The following TMEM161B variants were observed in gnomAD, a reference collection of about 807,000 sequenced individuals.
The protein encoded by TMEM161B is transmembrane protein 161B.
Under a neutral mutation model 61.8 loss-of-function variants are expected in TMEM161B, and 34 were observed. The ratio of observed to expected loss-of-function variants is 0.55; its 90% confidence interval spans 0.42 to 0.73. TMEM161B has a LOEUF of 0.73. Ranked by LOEUF, TMEM161B falls within the 30% of genes least tolerant of loss-of-function variation. The pLI is 0.00. For synonymous variants in TMEM161B, 167 were observed against 192.8 expected, an observed-to-expected ratio of 0.87 and a Z score of 1.11; for missense variants, 456 against 558.5, an observed-to-expected ratio of 0.82 and a Z score of 1.85.
At chr5:88,212,449 G>T (rs1381223462) in intron 5 of TMEM161B, among the ~76,000 whole-genome samples, 1 of 152,152 alleles carries the variant, frequency 6.6e-6, no homozygotes, top group Non-Finnish European at 1.5e-5. Context: ...TCCAAATGAT[G>T]AACAGGTTCA....
At chr5:88,194,339 G>A (rs185345890), downstream of TMEM161B, among the ~76,000 whole-genome samples, 2 of 151,852 alleles carry the variant, frequency 1.3e-5, no homozygotes, top group Admixed American at 6.6e-5. Context: ...CTTTTTTTAC[G>A]GCTGCATGGT....
chr5:88,196,097 T>C lies in TMEM161B; in HGVS notation c.*114A>G, dbSNP rs758244584. 2 of 1,456,604 alleles carry C rather than the reference T, an allele frequency of 1.4e-6. No individual in the cohort carries two copies. Among genetic ancestry groups the C allele is most frequent in the Non-Finnish European group, 1.8e-6 (2 of 1,107,192 alleles). 90.2% of individuals were successfully genotyped at this position (1,456,604 alleles called of 1,614,324 possible). Reference sequence around the variant, plus strand: ...AAACATTTAATACAAGACATTCTGATATGTTTTTTTTTTCCCATTGTATTT... The same window carrying C: ...AAACATTTAATACAAGACATTCTGACATGTTTTTTTTTTCCCATTGTATTT... On this transcript the variant is annotated 3_prime_UTR_variant, in exon 12 of 12. Coordinates refer to ENST00000296595, the MANE Select transcript of TMEM161B (RefSeq NM_153354.5).
intron 10 of TMEM161B, 155 bp downstream of exon 10, chr5:88,198,821 G>C: frequency 1.4e-6 from 1 of 692,860 alleles, no homozygotes; most frequent in South Asian, 2.3e-5. Context: ...ATCAGATCAA[G>C]GTCTCTTTGA....
chr5:88,257,044 A>G (rs1755074809), intron 1 of TMEM161B, among the ~76,000 whole-genome samples: 1 of 152,160 alleles, frequency 6.6e-6, no homozygotes, highest in Admixed American at 6.6e-5. Flanking sequence ...GGAGGCAGGC[A>G]GATCACTCAA....
chr5:88,229,725 T>C lies in TMEM161B; in HGVS notation c.108-1197A>G, dbSNP rs1437489091. On this transcript the variant is annotated intron_variant, in intron 2 of 11. Coordinates refer to ENST00000296595, the MANE Select transcript of TMEM161B (RefSeq NM_153354.5). ...TTCAATTACAAAAATCTAGATTTTT[T>C]AAATTTGAAATTTCCCAATTGCTGT... is the stretch of plus-strand genomic sequence containing the variant. Among the ~76,000 whole-genome samples, 5 of 149,884 alleles carry C rather than the reference T, an allele frequency of 3.3e-5. No homozygotes were observed. The East Asian group carries it at 9.7e-4, about 29-fold the overall frequency.
chr5:88,204,946 G>A (rs1434253257), intron 8 of TMEM161B, among the ~76,000 whole-genome samples: 1 of 152,012 alleles, frequency 6.6e-6, no homozygotes, highest in Non-Finnish European at 1.5e-5. Context: ...TTAAAAATAG[G>A]TTTTAAAGAA....
At chr5:88,262,859 G>T (rs564096625) in intron 1 of TMEM161B, among the ~76,000 whole-genome samples, 14 of 152,032 alleles carry the variant, frequency 9.2e-5, no homozygotes, top group Non-Finnish European at 1.6e-4. Flanking sequence ...GAAATCTCTT[G>T]TATCTTCCTC....
In TMEM161B at chr5:88,198,976, C is replaced by T. The variant is rs1351349122; in HGVS notation, c.1089G>A (p.Met363Ile). ...ATTTTGACTAGGGTATAAAACTTAC[C>T]ATTTTCTGTAGCTCAACCGTGCTTA... ...GRISTVELQK[M>I]VARVFYYLCV... is the part of the protein sequence containing the mutation. The change falls in exon 10 of 12, where the codon ATG becomes ATA. Residue 363 changes from methionine to isoleucine, a missense_variant and splice_region_variant. Met to Ile is a conservative substitution (Grantham distance 10, BLOSUM62 1). Around this residue, in one of 3 missense-constraint regions of TMEM161B, gnomAD observed 367 missense variants for 427.3 expected, o/e 0.86. Coordinates refer to ENST00000296595, the MANE Select transcript of TMEM161B (RefSeq NM_153354.5). 1 of 1,608,654 alleles carries T rather than the reference C, an allele frequency of 6.2e-7. No homozygotes were observed. Among genetic ancestry groups the T allele is most frequent in the African/African-American group, 1.3e-5 (1 of 74,376 alleles).
chr5:88,255,231 C>A (rs780894653), intron 1 of TMEM161B, among the ~76,000 whole-genome samples: 3 of 152,104 alleles, frequency 2.0e-5, no homozygotes, highest in African/African-American at 7.2e-5. Context: ...GAGAAATTCT[C>A]CCATATAATG....
Position 88,268,816 on chromosome 5 carries a change from A to G in TMEM161B, c.-93T>C. 4.4e-6 allele frequency: 7 copies of G among 1,597,582 alleles called. No individual in the cohort carries two copies. The Admixed American group carries it at 6.8e-5, about 16-fold the overall frequency. On this transcript the variant is annotated 5_prime_UTR_variant, in exon 1 of 12. Coordinates refer to ENST00000296595, the MANE Select transcript of TMEM161B (RefSeq NM_153354.5). The stretch of plus-strand genomic sequence containing the variant: ...CCGGTCCTTGAGCCGAGAGACTCTC[A>G]AACAGCGAAAGAGAGGGTCTTCCGG...
intron 4 of TMEM161B, among the ~76,000 whole-genome samples, chr5:88,225,340 G>A (rs1430656329): frequency 6.6e-6 from 1 of 151,984 alleles, no homozygotes; most frequent in Non-Finnish European, 1.5e-5. Flanking sequence ...TTAGGTTATG[G>A]GGGGTAAAAA....
intron 1 of TMEM161B, among the ~76,000 whole-genome samples, chr5:88,259,642 T>C (rs1356878181): frequency 6.6e-6 from 1 of 152,210 alleles, no homozygotes; most frequent in Non-Finnish European, 1.5e-5. Context: ...AGAAGAAATA[T>C]GAAAGAATCT....
chr5:88,186,131 A>G (rs972134359), downstream of TMEM161B, among the ~76,000 whole-genome samples: 2 of 152,244 alleles, frequency 1.3e-5, no homozygotes, highest in African/African-American at 4.8e-5. Context: ...AAGGTCTTAC[A>G]TGTATTTATA....
intron 1 of TMEM161B, among the ~76,000 whole-genome samples, chr5:88,266,607 A>G (rs1489504352): frequency 6.6e-6 from 1 of 152,156 alleles, no homozygotes; most frequent in Non-Finnish European, 1.5e-5. Context: ...ATAACTAACA[A>G]TGGGCAGAAT....
chr5:88,230,050 G>A (rs1437311122), intron 2 of TMEM161B, among the ~76,000 whole-genome samples: 2 of 151,996 alleles, frequency 1.3e-5, no homozygotes, highest in Non-Finnish European at 2.9e-5. Context: ...AAACTAGCCA[G>A]GTCTGGTGGC....
At chr5:88,217,700 A>G (rs936972377) in intron 5 of TMEM161B, among the ~76,000 whole-genome samples, 6 of 152,134 alleles carry the variant, frequency 3.9e-5, no homozygotes. Context: ...TATGCTTTGG[A>G]GAGGGTAAAA....
rs574581168 is a variant in TMEM161B at position 88,213,546 on chromosome 5, T to C, written c.447-6366A>G. On this transcript the variant is annotated intron_variant, in intron 5 of 11. Coordinates refer to ENST00000296595, the MANE Select transcript of TMEM161B (RefSeq NM_153354.5). ...TTTCTGAAAGCATAATATACAACCT[T>C]TATTTAAAATACAAAAGAAAACTAT... Among the ~76,000 whole-genome samples, 22 of 137,316 alleles carry C rather than the reference T, an allele frequency of 1.6e-4. No homozygotes were observed. The East Asian group carries it at 3.3e-3, about 20-fold the overall frequency. The allele number at this position is 137,316 out of a possible 152,430, so 90.1% of individuals were successfully genotyped here.
chr5:88,193,377 A>G (rs1247356478), downstream of TMEM161B, among the ~76,000 whole-genome samples: 1 of 152,142 alleles, frequency 6.6e-6, no homozygotes, highest in East Asian at 1.9e-4. Context: ...ATACAAAATA[A>G]AAGAACTATA....
intron 1 of TMEM161B, among the ~76,000 whole-genome samples, chr5:88,266,827 A>C (rs1187912978): frequency 6.6e-6 from 1 of 152,248 alleles, no homozygotes; most frequent in African/African-American, 2.4e-5. Flanking sequence ...GCTGGGAAAG[A>C]TAAAACTCAG....
Sources: allele counts gnomAD v4.1 joint callset (sites outside exome capture counted in the v4.1 genomes callset), GRCh38; gene constraint gnomAD v4.1.1; regional missense constraint gnomAD v4.1.1; transcripts MANE v1.5; gene names NCBI Gene and HGNC (gene_info 2026-07-23, HGNC 2026-07-21).